The following SNTG1 variants were observed in gnomAD, a reference collection of about 807,000 sequenced individuals.
The protein encoded by SNTG1 is gamma-1-syntrophin.
In SNTG1, 39 loss-of-function variants were observed where a neutral mutation model predicts 74.7. The ratio of observed to expected loss-of-function variants is 0.52; its 90% CI spans 0.40 to 0.68. The LOEUF (loss-of-function observed/expected upper bound fraction) is 0.68, where lower values mean the gene tolerates loss of function less well. SNTG1 is among the 30% of genes least tolerant of loss of function. The pLI, the probability that SNTG1 is intolerant of heterozygous loss-of-function variation, is 0.00. For missense variants in SNTG1, 685 were observed against 609.5 expected (o/e 1.12, Z -1.30); for synonymous variants, 254 against 217.1 (o/e 1.17, Z -1.49).
intron 1 of SNTG1, among the ~76,000 whole-genome samples, chr8:49,975,191 T>C (rs746669021): frequency 6.6e-6 from 1 of 152,184 alleles, no homozygotes; most frequent in Non-Finnish European, 1.5e-5. Flanking sequence ...TTAATAAATA[T>C]AACTGCAAAC....
chr8:50,782,561 C>G (rs1364816702), intron 18 of SNTG1, among the ~76,000 whole-genome samples: 1 of 152,188 alleles, frequency 6.6e-6, no homozygotes, highest in Admixed American at 6.5e-5. Context: ...TCCATCATCT[C>G]CTTTAAGCAC....
chr8:50,590,999 C>A, intron 13 of SNTG1, 82 bp downstream of exon 13: 2 of 973,894 alleles, frequency 2.1e-6, no homozygotes, highest in South Asian at 3.9e-5. Context: ...TACCTGATTT[C>A]TAGACAGAAA....
intron 2 of SNTG1, among the ~76,000 whole-genome samples, chr8:50,350,373 G>C (rs1160729296): frequency 6.6e-6 from 1 of 152,194 alleles, no homozygotes; most frequent in Non-Finnish European, 1.5e-5. Flanking sequence ...GGTGAAGCCA[G>C]CTGGGCTCCT....
chr8:50,409,227 G>T (rs2092917207), intron 4 of SNTG1, among the ~76,000 whole-genome samples: 1 of 152,120 alleles, frequency 6.6e-6, no homozygotes, highest in African/African-American at 2.4e-5. Flanking sequence ...ATAAAATATT[G>T]ATCATTTAGA....
intron 13 of SNTG1, among the ~76,000 whole-genome samples, chr8:50,647,427 T>TAC (rs538508594): frequency 1.9e-4 from 28 of 151,058 alleles, no homozygotes; most frequent in Admixed American, 4.6e-4. Context: ...ATGAAAAAAA[T>TAC]ACACACACAC....
chr8:50,264,442 T>C (rs983895696), intron 2 of SNTG1, among the ~76,000 whole-genome samples: 4 of 151,638 alleles, frequency 2.6e-5, no homozygotes, highest in East Asian at 1.9e-4. Context: ...TGGTGGTGCA[T>C]GCCTGTACTC....
At chr8:50,520,318 G>A (rs1451080193) in intron 9 of SNTG1, among the ~76,000 whole-genome samples, 1 of 152,110 alleles carries the variant, frequency 6.6e-6, no homozygotes, top group African/African-American at 2.4e-5. Context: ...TTAAACGTAA[G>A]ATCTAAAACC....
chr8:50,097,570 T>C (rs572884550), intron 1 of SNTG1, among the ~76,000 whole-genome samples: 55 of 151,746 alleles, frequency 3.6e-4, no homozygotes, highest in South Asian at 1.2e-3. Context: ...GAGAATGGTG[T>C]GAACCCGGAA....
At chr8:49,916,541 T>C (rs1424521332) in intron 1 of SNTG1, among the ~76,000 whole-genome samples, 2 of 152,216 alleles carry the variant, frequency 1.3e-5, no homozygotes, top group East Asian at 3.8e-4. Flanking sequence ...TTAAAAATTG[T>C]GAAGTAATTA....
intron 1 of SNTG1, among the ~76,000 whole-genome samples, chr8:49,988,903 GA>G (rs576806984): frequency 7.6e-4 from 115 of 151,582 alleles, no homozygotes; most frequent in African/African-American, 2.5e-3. Flanking sequence ...AAAGATGAGA[GA>G]AAAAATATAG....
At chr8:50,209,069 A>G (rs2084384992) in intron 2 of SNTG1, among the ~76,000 whole-genome samples, 1 of 152,118 alleles carries the variant, frequency 6.6e-6, no homozygotes, top group Non-Finnish European at 1.5e-5. Context: ...ACATCAGGAG[A>G]TTATATCCTG....
At chr8:50,696,777 A>G (rs1043402674) in intron 15 of SNTG1, among the ~76,000 whole-genome samples, 2 of 151,822 alleles carry the variant, frequency 1.3e-5, no homozygotes, top group African/African-American at 4.8e-5. Context: ...TATTTCTGGG[A>G]TCTCTCTTCT....
intron 13 of SNTG1, among the ~76,000 whole-genome samples, chr8:50,609,184 G>T (rs567481731): frequency 1.3e-5 from 2 of 151,902 alleles, no homozygotes; most frequent in African/African-American, 4.8e-5. Flanking sequence ...ATTAGTTTTC[G>T]TTTCTCACAC....
rs76972759 is a variant in SNTG1, at chr8:50,012,215, C to T, written c.-103+99984C>T. Among the ~76,000 whole-genome samples, 5 of 152,090 alleles carry T rather than the reference C, an allele frequency of 3.3e-5. No homozygotes were observed. The East Asian group carries it at 9.7e-4, about 29-fold the overall frequency. On this transcript the variant is annotated intron_variant, in intron 1 of 18. Coordinates refer to ENST00000642720, the MANE Select transcript of SNTG1 (RefSeq NM_018967.5). Reference sequence around the variant, plus strand: ...TGAGCACATTGGCTTTTTTTGTGGACGTTGCCTGCATCTTCTTTCCTGTTT... The same window carrying T: ...TGAGCACATTGGCTTTTTTTGTGGATGTTGCCTGCATCTTCTTTCCTGTTT...
intron 2 of SNTG1, among the ~76,000 whole-genome samples, chr8:50,176,467 A>C (rs1586593303): frequency 6.6e-6 from 1 of 152,306 alleles, no homozygotes; most frequent in East Asian, 1.9e-4. Context: ...ATTCATTCTG[A>C]CTGGGACCCA....
chr8:50,256,980 A>C (rs1437294487), intron 2 of SNTG1, among the ~76,000 whole-genome samples: 1 of 152,162 alleles, frequency 6.6e-6, no homozygotes, highest in Admixed American at 6.5e-5. Context: ...ATTCTGAATA[A>C]GTATGGCCAA....
chr8:50,482,073 C>A (rs771025969), intron 8 of SNTG1, among the ~76,000 whole-genome samples: 1 of 152,192 alleles, frequency 6.6e-6, no homozygotes, highest in East Asian at 1.9e-4. Flanking sequence ...AGTGATCTGA[C>A]AAATTGCTGC....
intron 2 of SNTG1, among the ~76,000 whole-genome samples, chr8:50,297,604 A>G (rs1563861384): frequency 6.6e-6 from 1 of 152,148 alleles, no homozygotes; most frequent in African/African-American, 2.4e-5. Flanking sequence ...TAAGTGCCTC[A>G]GAGGTGGGGA....
intron 1 of SNTG1, among the ~76,000 whole-genome samples, chr8:50,140,039 T>C (rs1219659111): frequency 1.3e-5 from 2 of 152,234 alleles, no homozygotes; most frequent in African/African-American, 4.8e-5. Flanking sequence ...AAATAAGTGC[T>C]GGAGTAAATG....
Sources: allele counts gnomAD v4.1 joint callset (sites outside exome capture counted in the v4.1 genomes callset), GRCh38; gene constraint gnomAD v4.1.1; transcripts MANE v1.5; gene names NCBI Gene and HGNC (gene_info 2026-07-23, HGNC 2026-07-21).